Variants in CCDC171 observed in about 807,000 individuals in gnomAD.
CCDC171 encodes coiled-coil domain containing 171, also known as coiled-coil domain-containing protein 171.
A neutral mutation model predicts 168.2 loss-of-function variants in CCDC171; 177 were observed. The ratio of observed to expected loss-of-function variants is 1.05; its 90% CI spans 0.93 to 1.19. The LOEUF is 1.19. Ranked by LOEUF, CCDC171 falls within the 50% of genes most tolerant of loss-of-function variation. CCDC171 has a pLI of 0.00. For missense variants in CCDC171, 1,991 were observed against 1,539.0 expected, an observed-to-expected ratio of 1.29 and a Z score of -4.91; for synonymous variants, 687 against 540.8, an observed-to-expected ratio of 1.27 and a Z score of -3.75.
intron 13 of CCDC171, 134 bp from the exon 14 acceptor site, chr9:15,724,642 A>G (rs1350906623): frequency 4.9e-6 from 3 of 617,978 alleles, no homozygotes; most frequent in Non-Finnish European, 8.8e-6. Context: ...TTTAATGTAA[A>G]CAAATGCTTG....
chr9:15,735,770 G>T (rs1412414066), intron 16 of CCDC171, among the ~76,000 whole-genome samples: 1 of 152,140 alleles, frequency 6.6e-6, no homozygotes, highest in Admixed American at 6.5e-5. Context: ...ACGCCAGCCT[G>T]CAGCGATTCA....
chr9:15,920,607 T>C (rs532413238), intron 25 of CCDC171, among the ~76,000 whole-genome samples, 185 bp downstream of exon 25: 1 of 151,874 alleles, frequency 6.6e-6, no homozygotes, highest in East Asian at 1.9e-4. Flanking sequence ...AATTTTTTCA[T>C]TGTATTATGT....
At position 15,677,931 on chromosome 9, in the gene CCDC171, A is replaced by G. The variant is rs772952133; in HGVS notation, c.1077-827A>G. ...ATATATATATATATATATATAAGAGATGTGGTCTCATTCTGTTACCTAGAC... is the reference window on the plus strand; with the variant it reads ...ATATATATATATATATATATAAGAGGTGTGGTCTCATTCTGTTACCTAGAC... On this transcript the variant is annotated intron_variant, in intron 9 of 25. Coordinates refer to ENST00000380701, the MANE Select transcript of CCDC171 (RefSeq NM_173550.4). Among the ~76,000 whole-genome samples, 219 of 38,266 alleles carry G rather than the reference A, an allele frequency of 5.7e-3. 19 individuals are homozygous for G. Among genetic ancestry groups the G allele is most frequent in the Non-Finnish European group, 9.6e-3 (185 of 19,184 alleles). 25.1% of individuals were successfully genotyped at this position (38,266 alleles called of 152,430 possible).
At chr9:15,786,987 G>A (rs900898567) in intron 21 of CCDC171, among the ~76,000 whole-genome samples, 2 of 152,102 alleles carry the variant, frequency 1.3e-5, no homozygotes, top group Non-Finnish European at 2.9e-5. Context: ...TTGCACCCAA[G>A]TGAATAAACA....
chr9:15,654,923 A>T (rs1444700729), intron 7 of CCDC171, among the ~76,000 whole-genome samples: 1 of 152,118 alleles, frequency 6.6e-6, no homozygotes, highest in Non-Finnish European at 1.5e-5. Flanking sequence ...TGAGCAAACT[A>T]TTGCAAGGAC....
At chr9:15,883,604 C>T (rs1419117474) in intron 24 of CCDC171, among the ~76,000 whole-genome samples, 2 of 152,094 alleles carry the variant, frequency 1.3e-5, no homozygotes, top group East Asian at 3.9e-4. Context: ...CTCTCTTTGC[C>T]TTTTAAAAAG....
chr9:15,706,745 C>A (rs2052270055), intron 11 of CCDC171, among the ~76,000 whole-genome samples: 1 of 152,162 alleles, frequency 6.6e-6, no homozygotes, highest in Non-Finnish European at 1.5e-5. Flanking sequence ...GGTTGACTTT[C>A]ATGTTCACTG....
chr9:15,684,700 C>T (rs1244861874), intron 10 of CCDC171, among the ~76,000 whole-genome samples: 2 of 152,084 alleles, frequency 1.3e-5, no homozygotes, highest in African/African-American at 4.8e-5. Flanking sequence ...GAAATGCATT[C>T]AGTTCAGCAG....
intron 7 of CCDC171, among the ~76,000 whole-genome samples, chr9:15,653,013 C>G (rs931584073): frequency 3.9e-5 from 6 of 152,130 alleles, no homozygotes; most frequent in Admixed American, 3.9e-4. Context: ...TTTGCCTTAT[C>G]TTATCACGTC....
intron 21 of CCDC171, among the ~76,000 whole-genome samples, chr9:15,802,217 T>C (rs1401299643): frequency 6.6e-6 from 1 of 151,942 alleles, no homozygotes; most frequent in East Asian, 1.9e-4. Flanking sequence ...TATTTATTTA[T>C]TTATTTTTAA....
chr9:15,584,369 G>A (rs900656812), intron 4 of CCDC171, among the ~76,000 whole-genome samples: 4 of 152,216 alleles, frequency 2.6e-5, no homozygotes, highest in African/African-American at 9.6e-5. Context: ...ATTTAACAAA[G>A]TTTTAGATGA....
chr9:16,008,057 G>A (rs1010413546), intron 3 of CCDC171, among the ~76,000 whole-genome samples: 1 of 152,052 alleles, frequency 6.6e-6, no homozygotes, highest in Non-Finnish European at 1.5e-5. Flanking sequence ...AGTGTCCTTT[G>A]AAGCACAAAA....
At chr9:15,600,861 G>T (rs1388904167) in intron 6 of CCDC171, among the ~76,000 whole-genome samples, 1 of 152,178 alleles carries the variant, frequency 6.6e-6, no homozygotes, top group Non-Finnish European at 1.5e-5. Flanking sequence ...CAGCCTCGCT[G>T]CCACCTTGCA....
chr9:15,553,356 A>G (rs73644661), intron 1 of CCDC171, 54 bp downstream of exon 1: 4,375 of 152,078 alleles, frequency 0.029, 201 homozygotes, highest in African/African-American at 0.1. Flanking sequence ...GGAGGTGTTG[A>G]GAGGGTTGTA....
chr9:15,591,480 A>G lies in CCDC171; in HGVS notation c.467A>G (p.Asp156Gly), dbSNP rs1460617237. Residue 156 changes from aspartate (D) to glycine (G), a missense_variant, in exon 5 of 26, where the codon GAC (aspartate) becomes GGC (glycine). Transcript: ENST00000380701. ...TTTGAACATGATTTGGAGGAAAGAGACAATATGATCCAAAATTGCAATCGA... is the reference window on the plus strand; with the variant it reads ...TTTGAACATGATTTGGAGGAAAGAGGCAATATGATCCAAAATTGCAATCGA... ...RRFEHDLEER[D>G]NMIQNCNREY... The G allele has an allele frequency of 3.1e-6, 5 of 1,608,450 alleles. No individual in the cohort carries two copies. The highest frequency in any genetic ancestry group is 4.2e-6 in the Non-Finnish European group (5 of 1,177,110).
chr9:15,792,275 A>G (rs2058309184), intron 21 of CCDC171, among the ~76,000 whole-genome samples: 1 of 152,240 alleles, frequency 6.6e-6, no homozygotes, highest in Non-Finnish European at 1.5e-5. Context: ...TTTAGAGAAA[A>G]CAGAGGAAAA....
At chr9:15,826,450 C>T (rs1347606837) in intron 21 of CCDC171, among the ~76,000 whole-genome samples, 2 of 152,040 alleles carry the variant, frequency 1.3e-5, no homozygotes, top group South Asian at 2.1e-4. Context: ...AGTCTATTTC[C>T]CTCTTTTTGA....
intron 7 of CCDC171, among the ~76,000 whole-genome samples, chr9:15,650,897 T>C (rs1211102044): frequency 6.6e-6 from 1 of 152,188 alleles, no homozygotes; most frequent in Non-Finnish European, 1.5e-5. Context: ...TTTTAAAATA[T>C]ACAATACATT....
Position 15,646,884 on chromosome 9 carries a change from C to G in CCDC171, c.823-10243C>G, listed in dbSNP as rs541611559. Among the ~76,000 whole-genome samples, 5 of 152,330 alleles carry G rather than the reference C, an allele frequency of 3.3e-5. No homozygotes were observed. In the East Asian group the frequency reaches 7.7e-4, roughly 23 times the overall value. ...AAGGATATCCAGGAATTGAACTCAG[C>G]TCTGCACCAAGTGGACCTAATAGAC... On this transcript the variant is annotated intron_variant, in intron 7 of 25. Transcript: ENST00000380701.
Sources: gnomAD v4.1 joint callset for allele counts (sites outside exome capture counted in the v4.1 genomes callset) on GRCh38, gnomAD v4.1.1 for gene constraint, MANE v1.5 for transcripts, NCBI Gene and HGNC (gene_info 2026-07-23, HGNC 2026-07-21) for gene names.